The following ANKFN1 variants were observed in gnomAD, a reference collection of about 807,000 sequenced individuals.
ANKFN1 encodes the protein ankyrin repeat and fibronectin type III domain containing 1, also known as ankyrin repeat and fibronectin type-III domain-containing protein 1.
In ANKFN1, 74 loss-of-function variants were observed where a neutral mutation model predicts 108.7. The ratio of observed to expected loss-of-function variants is 0.68; its 90% confidence interval spans 0.56 to 0.83. ANKFN1 has a LOEUF of 0.83. Ranked by LOEUF, ANKFN1 falls within the 40% of genes least tolerant of loss-of-function variation. ANKFN1 has a pLI of 0.00. For missense variants in ANKFN1, 1,505 were observed against 1,382.3 expected, an observed-to-expected ratio of 1.09 and a Z score of -1.41; for synonymous variants, 547 against 516.2, an observed-to-expected ratio of 1.06 and a Z score of -0.81.
At chr17:56,203,127 T>G (rs914800856) in intron 1 of ANKFN1, among the ~76,000 whole-genome samples, 1 of 152,196 alleles carries the variant, frequency 6.6e-6, no homozygotes, top group African/African-American at 2.4e-5. Flanking sequence ...TGATGAATAC[T>G]CTCTCTCTTA....
chr17:56,461,610 A>C (rs767263673), intron 14 of ANKFN1, among the ~76,000 whole-genome samples: 19 of 152,336 alleles, frequency 1.2e-4, no homozygotes, highest in Non-Finnish European at 2.2e-4. Flanking sequence ...TGATTAAGTG[A>C]ATCACTCTCA....
At chr17:56,369,790 G>A (rs1479977845) in intron 6 of ANKFN1, among the ~76,000 whole-genome samples, 1 of 152,092 alleles carries the variant, frequency 6.6e-6, no homozygotes, top group African/African-American at 2.4e-5. Context: ...TTGCCGAAAT[G>A]GTTGGAAACC....
intron 3 of ANKFN1, among the ~76,000 whole-genome samples, chr17:56,277,744 C>T (rs1419727749): frequency 6.6e-6 from 1 of 152,170 alleles, no homozygotes; most frequent in African/African-American, 2.4e-5. Context: ...AGCTCACTCA[C>T]TGCCATAAAA....
intron 20 of ANKFN1, among the ~76,000 whole-genome samples, chr17:56,500,329 C>T (rs1017326078): frequency 6.6e-6 from 1 of 152,142 alleles, no homozygotes; most frequent in Non-Finnish European, 1.5e-5. Flanking sequence ...AAAGTCAAAA[C>T]TTGGCAAGTG....
intron 2 of ANKFN1, among the ~76,000 whole-genome samples, chr17:56,221,940 A>G (rs758985369): frequency 1.4e-4 from 21 of 152,190 alleles, no homozygotes; most frequent in Admixed American, 2.6e-4. Flanking sequence ...CTTCAGTCCA[A>G]GGGGCCCACC....
chr17:56,077,247 TC>T (rs1905191970), intron 4 of ANKFN1, among the ~76,000 whole-genome samples: 1 of 152,200 alleles, frequency 6.6e-6, no homozygotes, highest in Non-Finnish European at 1.5e-5. Context: ...ATTGTATTCT[TC>T]CATTTTACCC....
intron 8 of ANKFN1, among the ~76,000 whole-genome samples, chr17:56,416,507 A>T (rs2048244458): frequency 6.6e-6 from 1 of 152,338 alleles, no homozygotes; most frequent in East Asian, 1.9e-4. Context: ...CCATGAGATT[A>T]TCATCTCACC....
At chr17:56,396,705 A>G (rs1256151985) in intron 8 of ANKFN1, among the ~76,000 whole-genome samples, 1 of 152,152 alleles carries the variant, frequency 6.6e-6, no homozygotes, top group Non-Finnish European at 1.5e-5. Context: ...AACCTCATAC[A>G]GTCCTGTGGA....
chr17:56,432,949 TG>T (rs2048807796), intron 8 of ANKFN1, among the ~76,000 whole-genome samples: 1 of 152,104 alleles, frequency 6.6e-6, no homozygotes, highest in Non-Finnish European at 1.5e-5. Context: ...TACAATGATA[TG>T]ATGGTAAATG....
At chr17:56,160,851 G>A (rs1034432937) in intron 1 of ANKFN1, among the ~76,000 whole-genome samples, 8 of 152,190 alleles carry the variant, frequency 5.3e-5, no homozygotes, top group Non-Finnish European at 8.8e-5. Flanking sequence ...TAGAGGTGAA[G>A]AAGGAATGAT....
intron 4 of ANKFN1, among the ~76,000 whole-genome samples, chr17:56,132,055 C>G (rs1297045522): frequency 6.6e-6 from 1 of 152,146 alleles, no homozygotes; most frequent in African/African-American, 2.4e-5. Context: ...TTACTGTTCA[C>G]AGTTGTAGCT....
chr17:56,211,023 T>C (rs1298126414), intron 1 of ANKFN1, among the ~76,000 whole-genome samples: 1 of 152,240 alleles, frequency 6.6e-6, no homozygotes, highest in Non-Finnish European at 1.5e-5. Flanking sequence ...GATGTATAGA[T>C]TGCAAAGATT....
At chr17:56,333,156 C>T (rs1168201405) in intron 4 of ANKFN1, among the ~76,000 whole-genome samples, 2 of 151,870 alleles carry the variant, frequency 1.3e-5, no homozygotes, top group Non-Finnish European at 2.9e-5. Context: ...TATATGTCTT[C>T]GACTTATTTT....
At chr17:56,347,828 C>A (rs2046146034) in intron 4 of ANKFN1, among the ~76,000 whole-genome samples, 1 of 151,932 alleles carries the variant, frequency 6.6e-6, no homozygotes. Context: ...GGGAGATGAG[C>A]AAAGACAAAA....
chr17:56,180,472 C>G (rs1366906348), intron 1 of ANKFN1, among the ~76,000 whole-genome samples: 1 of 152,196 alleles, frequency 6.6e-6, no homozygotes, highest in African/African-American at 2.4e-5. Context: ...TAACATTCAA[C>G]TAAGCAGTTA....
At chr17:56,152,109 G>A (rs897509260), upstream of ANKFN1, among the ~76,000 whole-genome samples, 19 of 152,094 alleles carry the variant, frequency 1.2e-4, no homozygotes, top group African/African-American at 4.3e-4. Context: ...CATTTGATAA[G>A]CATTCTGAGG....
intron 15 of ANKFN1, among the ~76,000 whole-genome samples, chr17:56,468,682 A>C (rs2050214462): frequency 6.6e-6 from 1 of 152,206 alleles, no homozygotes; most frequent in Admixed American, 6.5e-5. Context: ...TGGCAAGTAC[A>C]ATAATCTCAT....
chr17:56,083,213 T>C (rs981094349), intron 4 of ANKFN1, among the ~76,000 whole-genome samples: 4 of 151,274 alleles, frequency 2.6e-5, no homozygotes, highest in Non-Finnish European at 5.9e-5. Context: ...CCGAGAAGAA[T>C]GCTTTACACA....
intron 8 of ANKFN1, among the ~76,000 whole-genome samples, chr17:56,420,691 T>C (rs1209769151): frequency 6.6e-6 from 1 of 150,694 alleles, no homozygotes; most frequent in Non-Finnish European, 1.5e-5. Context: ...TTCTTTTTTT[T>C]TTTTTTTTTT....
Sources: gnomAD v4.1 joint callset for allele counts (sites outside exome capture counted in the v4.1 genomes callset) on GRCh38, gnomAD v4.1.1 for gene constraint, MANE v1.5 for transcripts, NCBI Gene and HGNC (gene_info 2026-07-23, HGNC 2026-07-21) for gene names.